The following NBEA variants were observed in gnomAD, a reference collection of about 807,000 sequenced individuals.
The protein encoded by NBEA is neurobeachin, also known as lysosomal-trafficking regulator 2.
A neutral mutation model predicts 343.4 loss-of-function variants in NBEA; 44 were observed. That is an observed-to-expected ratio of 0.13 (90% CI 0.10 to 0.16). The LOEUF (loss-of-function observed/expected upper bound fraction) is 0.16, where lower values mean the gene tolerates loss of function less well. Among genes scored for constraint, NBEA ranks in the 10% least tolerant of loss-of-function variants. NBEA has a pLI of 1.00. For missense variants in NBEA, 2,555 were observed against 3,631.3 expected, an observed-to-expected ratio of 0.70 and a Z score of 7.62; for synonymous variants, 1,175 against 1,238.7, an observed-to-expected ratio of 0.95 and a Z score of 1.08.
intron 36 of NBEA, among the ~76,000 whole-genome samples, chr13:35,328,631 A>G (rs2038733559): frequency 6.6e-6 from 1 of 152,078 alleles, no homozygotes; most frequent in Middle Eastern, 3.4e-3. Context: ...TATACCAACT[A>G]TATACCCACA....
chr13:35,272,461 A>G (rs568668582), intron 34 of NBEA, among the ~76,000 whole-genome samples: 12 of 152,316 alleles, frequency 7.9e-5, no homozygotes, highest in Admixed American at 1.3e-4. Context: ...CAGGCAAAGT[A>G]ACCAGCTAGG....
intron 17 of NBEA, among the ~76,000 whole-genome samples, chr13:35,141,798 A>G (rs2068107518): frequency 2.6e-5 from 4 of 152,184 alleles, no homozygotes; most frequent in Admixed American, 2.0e-4. Flanking sequence ...ATTTTGTTTT[A>G]TGACACCAAA....
chr13:35,081,078 T>C (rs1437689101), intron 10 of NBEA, among the ~76,000 whole-genome samples: 1 of 152,158 alleles, frequency 6.6e-6, no homozygotes, highest in Non-Finnish European at 1.5e-5. Context: ...ATGAAATATG[T>C]ATACATAAAT....
intron 17 of NBEA, among the ~76,000 whole-genome samples, chr13:35,124,816 A>G (rs2067029169): frequency 6.6e-6 from 1 of 150,782 alleles, no homozygotes; most frequent in Non-Finnish European, 1.5e-5. Context: ...ATATACACAC[A>G]CATATGGATA....
At chr13:35,033,786 T>A (rs566203276) in intron 1 of NBEA, among the ~76,000 whole-genome samples, 25 of 151,880 alleles carry the variant, frequency 1.6e-4, no homozygotes, top group Admixed American at 1.3e-3. Context: ...GGATTATTTT[T>A]AAATTTCTTT....
chr13:35,180,374 T>A (rs2071227738), intron 28 of NBEA, among the ~76,000 whole-genome samples: 1 of 151,774 alleles, frequency 6.6e-6, no homozygotes, highest in Admixed American at 6.6e-5. Context: ...ATACTTATTG[T>A]TTCCCTGAAA....
chr13:35,441,840 AAAAAAAAG>A (rs2045754957), intron 39 of NBEA, among the ~76,000 whole-genome samples: 1 of 151,752 alleles, frequency 6.6e-6, no homozygotes, highest in Non-Finnish European at 1.5e-5. Flanking sequence ...TGAAAAAAAA[AAAAAAAAG>A]AAGACACTGA....
At chr13:35,652,172 T>C (rs1337542505) in intron 53 of NBEA, among the ~76,000 whole-genome samples, 1 of 152,074 alleles carries the variant, frequency 6.6e-6, no homozygotes, top group Non-Finnish European at 1.5e-5. Flanking sequence ...CTCAGTATTA[T>C]TTAAAATATA....
chr13:35,298,385 G>T (rs1305074964), intron 35 of NBEA, among the ~76,000 whole-genome samples: 1 of 151,258 alleles, frequency 6.6e-6, no homozygotes, highest in South Asian at 2.1e-4. Flanking sequence ...TAAAAATGAT[G>T]ATCTCTAAAT....
At chr13:35,339,116 G>T (rs557272259) in intron 36 of NBEA, among the ~76,000 whole-genome samples, 2 of 152,152 alleles carry the variant, frequency 1.3e-5, no homozygotes, top group African/African-American at 4.8e-5. Context: ...ACTAATACTA[G>T]TGCTATTCAA....
intron 36 of NBEA, among the ~76,000 whole-genome samples, chr13:35,330,722 G>T (rs533315032): frequency 3.3e-5 from 5 of 152,068 alleles, no homozygotes; most frequent in African/African-American, 7.2e-5. Flanking sequence ...TGACGCAAAG[G>T]CATGAATAAT....
chr13:35,224,091 G>A (rs1194838579), intron 33 of NBEA, among the ~76,000 whole-genome samples: 1 of 152,094 alleles, frequency 6.6e-6, no homozygotes, highest in Non-Finnish European at 1.5e-5. Context: ...TCAAACTTGG[G>A]ATCTGTCTGT....
chr13:35,590,704 C>G (rs957762828), intron 46 of NBEA, among the ~76,000 whole-genome samples: 3 of 152,088 alleles, frequency 2.0e-5, no homozygotes, highest in African/African-American at 2.4e-5. Flanking sequence ...AGAGACAAGC[C>G]TGATCCCTCT....
chr13:35,363,887 T>C (rs2040955358), intron 38 of NBEA, among the ~76,000 whole-genome samples: 1 of 151,868 alleles, frequency 6.6e-6, no homozygotes, highest in Non-Finnish European at 1.5e-5. Flanking sequence ...GACTTACTGA[T>C]TGAATAAATA....
At chr13:34,984,190 T>TC (rs2060464401) in intron 1 of NBEA, among the ~76,000 whole-genome samples, 1 of 152,220 alleles carries the variant, frequency 6.6e-6, no homozygotes, top group African/African-American at 2.4e-5. Flanking sequence ...AAGTCTTTAA[T>TC]CCATCTTGAA....
At chr13:35,010,601 G>A (rs2061450848) in intron 1 of NBEA, among the ~76,000 whole-genome samples, 2 of 148,086 alleles carry the variant, frequency 1.4e-5, no homozygotes, top group South Asian at 4.3e-4. Flanking sequence ...AAAATAGATG[G>A]GCCAGGCATG....
At chr13:35,261,330 G>A (rs1282412688) in intron 34 of NBEA, among the ~76,000 whole-genome samples, 1 of 152,096 alleles carries the variant, frequency 6.6e-6, no homozygotes, top group African/African-American at 2.4e-5. Flanking sequence ...TGGCCAACAT[G>A]ATGAAACCCT....
chr13:35,354,108 A>G (rs987297848), intron 38 of NBEA, among the ~76,000 whole-genome samples: 1 of 152,190 alleles, frequency 6.6e-6, no homozygotes, highest in African/African-American at 2.4e-5. Context: ...TGTTAATCAT[A>G]TCTACAAAAT....
intron 19 of NBEA, 63 bp downstream of exon 19, chr13:35,155,918 C>G (rs2069140805): frequency 6.5e-7 from 1 of 1,532,226 alleles, no homozygotes; most frequent in South Asian, 1.1e-5. Flanking sequence ...GAGACTAAAT[C>G]AAAACTTTTC....
Sources: allele counts gnomAD v4.1 joint callset (sites outside exome capture counted in the v4.1 genomes callset), GRCh38; gene constraint gnomAD v4.1.1; transcripts MANE v1.5; gene names NCBI Gene and HGNC (gene_info 2026-07-23, HGNC 2026-07-21).